The following GLI3 variants were observed in gnomAD, a reference collection of about 807,000 sequenced individuals.
GLI3 encodes transcription activator GLI3.
In GLI3, 20 loss-of-function variants were observed where a neutral mutation model predicts 100.8. That is an observed-to-expected ratio of 0.20 (90% CI 0.14 to 0.29). The LOEUF is 0.29. GLI3 is among the 10% of genes least tolerant of loss of function. The pLI, the probability that GLI3 is intolerant of heterozygous loss-of-function variation, is 1.00. For missense variants in GLI3, 2,040 were observed against 2,128.5 expected (o/e 0.96, Z 0.82); for synonymous variants, 938 against 860.5 (o/e 1.09, Z -1.58).
chr7:42,109,166 C>T (rs140557720), intron 3 of GLI3, among the ~76,000 whole-genome samples: 6 of 152,310 alleles, frequency 3.9e-5, no homozygotes, highest in East Asian at 1.9e-4. Context: ...TGGCCCCCTA[C>T]AATCTTTTGT....
intron 13 of GLI3, among the ~76,000 whole-genome samples, chr7:41,970,281 A>G (rs1162525374): frequency 2.0e-5 from 3 of 152,152 alleles, no homozygotes; most frequent in Non-Finnish European, 4.4e-5. Flanking sequence ...CAAATCAAAG[A>G]CATGTTTTTT....
In GLI3 at chr7:41,975,871, A is replaced by G. The variant is rs1787495560; in HGVS notation, c.1812+1687T>C. Among the ~76,000 whole-genome samples the G allele has an allele frequency of 3.3e-5, 5 of 152,222 alleles. No homozygotes were observed. The South Asian group carries it at 1.0e-3, about 32-fold the overall frequency. On this transcript the variant is annotated intron_variant, in intron 12 of 14. Coordinates refer to ENST00000395925, the MANE Select transcript of GLI3 (RefSeq NM_000168.6). ...AATGCCCCCTAAATTTCTAGTCAAA[A>G]TTACACTTAAATCTATGAAATATAT...
Position 42,182,660 on chromosome 7 carries a change from A to ATATATATATATACATGTGTGTGTG in GLI3, c.125-34193_125-34192insCACACACACATGTATATATATATA, listed in dbSNP as rs1554337052. On this transcript the variant is annotated intron_variant, in intron 2 of 14. Coordinates refer to ENST00000395925, the MANE Select transcript of GLI3 (RefSeq NM_000168.6). Reference sequence around the variant, plus strand: ...TATGTGTGTGTATATATATATATATATATATATATATATATATATATACAC... The same window carrying ATATATATATATACATGTGTGTGTG: ...TATGTGTGTGTATATATATATATATATATATATATATACATGTGTGTGTGTATATATATATATATATATATACAC... Among the ~76,000 whole-genome samples, 10 of 59,106 alleles carry ATATATATATATACATGTGTGTGTG rather than the reference A, an allele frequency of 1.7e-4. 1 individual carries two copies. In the Middle Eastern group the frequency reaches 0.023, roughly 139 times the overall value. 38.8% of individuals were successfully genotyped at this position (59,106 alleles called of 152,430 possible).
intron 10 of GLI3, among the ~76,000 whole-genome samples, chr7:42,019,571 C>T (rs1000047455): frequency 2.6e-5 from 4 of 151,968 alleles, no homozygotes; most frequent in Admixed American, 6.5e-5. Context: ...CAAAACCAAA[C>T]GACACTTTGA....
In GLI3 at chr7:42,259,285, A is replaced by G. The variant is rs1281121083; in HGVS notation, c.-43+4709T>C. ...GGCAGTTCATGAGCCTGTCAACCAT[A>G]CTCTGACATGCAACAAATATAAACA... is the stretch of plus-strand genomic sequence containing the variant. On this transcript the variant is annotated intron_variant, in intron 1 of 2. Coordinates refer to the GLI3 transcript ENST00000678978. Among the ~76,000 whole-genome samples the G allele has an allele frequency of 2.0e-5, 3 of 152,226 alleles. No homozygotes were observed. The East Asian group carries it at 5.8e-4, about 29-fold the overall frequency.
At position 42,025,638 on chromosome 7, in the gene GLI3, A is replaced by C. The variant is rs116428116; in HGVS notation, c.1243-261T>G. ...TTTAAAAGCTAGAAGAATGGAGCTG[A>C]GGCCCTAGGCTTTAACAAGCTCCAA... On this transcript the variant is annotated intron_variant, in intron 8 of 14. Coordinates refer to ENST00000395925, the MANE Select transcript of GLI3 (RefSeq NM_000168.6). 4.5e-3 allele frequency among the ~76,000 whole-genome samples: 687 copies of C among 152,358 alleles called. 3 individuals carry two copies. Among genetic ancestry groups the C allele is most frequent in the African/African-American group, 0.016 (667 of 41,586 alleles).
chr7:42,018,542 C>T (rs1415554903), intron 10 of GLI3, among the ~76,000 whole-genome samples: 1 of 152,204 alleles, frequency 6.6e-6, no homozygotes, highest in Non-Finnish European at 1.5e-5. Context: ...CCTAACTCTT[C>T]CTTGCGTTTC....
At chr7:42,055,090 TATATACACATATATGTATATATACAC>T (rs58183590) in intron 4 of GLI3, among the ~76,000 whole-genome samples, 1 of 134,842 alleles carries the variant, frequency 7.4e-6, no homozygotes, top group African/African-American at 3.4e-5. Flanking sequence ...TATATATACA[TATATACACATATATGTATATATACAC>T]ATATATATAC....
At chr7:42,170,757 T>TAA (rs1175360469) in intron 2 of GLI3, among the ~76,000 whole-genome samples, 1 of 152,122 alleles carries the variant, frequency 6.6e-6, no homozygotes, top group Non-Finnish European at 1.5e-5. Flanking sequence ...TAATGGTAAA[T>TAA]AAAAGAGATG....
intron 3 of GLI3, among the ~76,000 whole-genome samples, chr7:42,141,501 G>A (rs62443796): frequency 0.14 from 20,946 of 151,930 alleles, 1,806 homozygotes; most frequent in Non-Finnish European, 0.19. Flanking sequence ...GCGAAACCCC[G>A]TGTCTACTAA....
chr7:42,232,573 T>C (rs553086557), intron 1 of GLI3, among the ~76,000 whole-genome samples: 3 of 152,360 alleles, frequency 2.0e-5, no homozygotes, highest in South Asian at 2.1e-4. Context: ...ATTTCATTCA[T>C]TGAATAACCT....
chr7:41,983,660 G>C, intron 10 of GLI3, among the ~76,000 whole-genome samples: 1 of 152,114 alleles, frequency 6.6e-6, no homozygotes, highest in East Asian at 1.9e-4. Context: ...CCAGAGGCCC[G>C]AGAGTCAGAA....
chr7:42,222,645 C>T (rs1788507450), intron 2 of GLI3, among the ~76,000 whole-genome samples: 1 of 152,202 alleles, frequency 6.6e-6, no homozygotes, highest in Non-Finnish European at 1.5e-5. Context: ...ATCTCAGATA[C>T]TAACATTACC....
chr7:42,080,380 G>A (rs575412305), intron 3 of GLI3, among the ~76,000 whole-genome samples: 4 of 152,228 alleles, frequency 2.6e-5, no homozygotes, highest in African/African-American at 9.6e-5. Flanking sequence ...TTCTGCATTC[G>A]AGAATTATGT....
chr7:42,109,115 T>A (rs556761253), intron 3 of GLI3, among the ~76,000 whole-genome samples: 1 of 152,346 alleles, frequency 6.6e-6, no homozygotes, highest in East Asian at 1.9e-4. Flanking sequence ...TAATTGCTTT[T>A]CTATGCGATA....
At chr7:42,172,795 G>T in intron 2 of GLI3, 1 of 593,268 alleles carries the variant, frequency 1.7e-6, no homozygotes, top group Non-Finnish European at 3.0e-6. Flanking sequence ...CAAAGCACAA[G>T]CCATTTATGA....
intron 10 of GLI3, among the ~76,000 whole-genome samples, chr7:42,022,284 G>A (rs898867203): frequency 2.8e-4 from 43 of 152,048 alleles, no homozygotes; most frequent in African/African-American, 9.7e-4. Context: ...ACTGCAATGC[G>A]TGGAATACAT....
Position 42,038,449 on chromosome 7 carries a change from T to C in GLI3, c.1028+1589A>G, listed in dbSNP as rs193028158. ...GTGTCTTATCTGTAGTTTACAGATG[T>C]GAAGACTAAACTTCAAAGAGCTGAG... On this transcript the variant is annotated intron_variant, in intron 7 of 14. Transcript: ENST00000395925. 3.9e-5 allele frequency among the ~76,000 whole-genome samples: 6 copies of C among 152,358 alleles called. No individual in the cohort carries two copies. In the East Asian group the frequency reaches 1.2e-3, roughly 29 times the overall value.
chr7:42,248,791 T>C (rs1789001019), intron 1 of GLI3, among the ~76,000 whole-genome samples: 1 of 151,888 alleles, frequency 6.6e-6, no homozygotes, highest in Non-Finnish European at 1.5e-5. Flanking sequence ...ATTATTTTTA[T>C]TCATTTATTT....
Sources: gnomAD v4.1 joint callset for allele counts (sites outside exome capture counted in the v4.1 genomes callset) on GRCh38, gnomAD v4.1.1 for gene constraint, MANE v1.5 for transcripts, NCBI Gene and HGNC (gene_info 2026-07-23, HGNC 2026-07-21) for gene names.